The following BMPR1B variants were observed in gnomAD, a reference collection of about 807,000 sequenced individuals.
BMPR1B encodes bone morphogenetic protein receptor type 1B.
In BMPR1B, 12 loss-of-function variants were observed where a neutral mutation model predicts 59.1. The ratio of observed to expected loss-of-function variants is 0.20; its 90% CI spans 0.13 to 0.33. The LOEUF (loss-of-function observed/expected upper bound fraction) is 0.33, where lower values mean the gene tolerates loss of function less well. BMPR1B is among the 10% of genes least tolerant of loss of function. BMPR1B has a pLI of 1.00. For synonymous variants in BMPR1B, 237 were observed against 207.3 expected (o/e 1.14, Z -1.23); for missense variants, 550 against 610.9 (o/e 0.90, Z 1.05).
Position 94,794,100 on chromosome 4 carries a change from A to G in BMPR1B, c.-183+36032A>G, listed in dbSNP as rs996160342. Among the ~76,000 whole-genome samples the G allele has an allele frequency of 3.3e-3, 493 of 150,410 alleles. 5 individuals are homozygous for G. The highest frequency in any genetic ancestry group is 0.011 in the African/African-American group (440 of 40,546). Reference sequence around the variant, plus strand: ...AGACATGAAGTCCTTGCCCATGTCTATGTCCTGAATGGTAATGCCTAGGTT... The same window carrying G: ...AGACATGAAGTCCTTGCCCATGTCTGTGTCCTGAATGGTAATGCCTAGGTT... On this transcript the variant is annotated intron_variant, in intron 1 of 12. Coordinates refer to ENST00000515059, the MANE Select transcript of BMPR1B (RefSeq NM_001203.3).
At chr4:95,134,650 G>A (rs1733634129) in intron 10 of BMPR1B, among the ~76,000 whole-genome samples, 2 of 152,110 alleles carry the variant, frequency 1.3e-5, no homozygotes, top group African/African-American at 2.4e-5. Flanking sequence ...GTGTCTTTTG[G>A]CTGCATAAAT....
At chr4:94,840,136 T>C (rs1240451307) in intron 1 of BMPR1B, among the ~76,000 whole-genome samples, 1 of 149,160 alleles carries the variant, frequency 6.7e-6, no homozygotes, top group Non-Finnish European at 1.5e-5. Context: ...GATCAGGTGT[T>C]AGTCTGATGG....
intron 2 of BMPR1B, among the ~76,000 whole-genome samples, chr4:94,967,241 G>A (rs1278042281): frequency 6.6e-6 from 1 of 152,102 alleles, no homozygotes; most frequent in African/African-American, 2.4e-5. Flanking sequence ...AGTAGAAGTA[G>A]AAACACCTTT....
intron 1 of BMPR1B, among the ~76,000 whole-genome samples, chr4:94,768,159 C>G (rs1722037604): frequency 1.3e-5 from 2 of 151,998 alleles, no homozygotes. Flanking sequence ...ATTGCAGTCT[C>G]TTGATTTACA....
chr4:95,050,286 C>T (rs986218890), intron 3 of BMPR1B, among the ~76,000 whole-genome samples: 32 of 152,258 alleles, frequency 2.1e-4, no homozygotes, highest in Non-Finnish European at 2.4e-4. Context: ...CCACCAACCT[C>T]CATGTTTCTG....
chr4:94,925,121 C>T (rs371179744), intron 2 of BMPR1B, among the ~76,000 whole-genome samples: 1 of 152,060 alleles, frequency 6.6e-6, no homozygotes, highest in East Asian at 1.9e-4. Flanking sequence ...AGAAATTGGT[C>T]AATCTCCCTC....
At chr4:95,002,607 A>G (rs1353437232) in intron 3 of BMPR1B, among the ~76,000 whole-genome samples, 2 of 152,198 alleles carry the variant, frequency 1.3e-5, no homozygotes, top group Non-Finnish European at 2.9e-5. Context: ...TGTATAAGCA[A>G]TGAAAGAATT....
intron 1 of BMPR1B, among the ~76,000 whole-genome samples, chr4:94,843,066 C>CAT (rs754402618): frequency 6.6e-6 from 1 of 152,024 alleles, no homozygotes; most frequent in Non-Finnish European, 1.5e-5. Flanking sequence ...ATGTTTAAAA[C>CAT]ATATAATTGC....
chr4:95,133,425 C>T (rs1033152594), intron 10 of BMPR1B, among the ~76,000 whole-genome samples: 3 of 152,154 alleles, frequency 2.0e-5, no homozygotes, highest in Admixed American at 6.6e-5. Context: ...CACTTCTTAC[C>T]TTTGGCAAGA....
chr4:94,884,728 TA>T (rs1727107316), intron 2 of BMPR1B, among the ~76,000 whole-genome samples: 1 of 152,182 alleles, frequency 6.6e-6, no homozygotes, highest in Non-Finnish European at 1.5e-5. Context: ...TATGATTGAG[TA>T]AATGCAGCAA....
At chr4:94,765,494 G>T (rs1220072407) in intron 1 of BMPR1B, among the ~76,000 whole-genome samples, 42 of 152,096 alleles carry the variant, frequency 2.8e-4, no homozygotes, top group Non-Finnish European at 1.5e-4. Context: ...AGAAAAGTGG[G>T]CCAATAATCT....
chr4:94,923,766 C>T (rs1200578315), intron 2 of BMPR1B, among the ~76,000 whole-genome samples: 4 of 152,022 alleles, frequency 2.6e-5, no homozygotes, highest in Non-Finnish European at 5.9e-5. Flanking sequence ...CTTCTCTGCC[C>T]TGTTTGCCCC....
Position 94,864,979 on chromosome 4 carries a change from T to C in BMPR1B, c.-182-10852T>C, listed in dbSNP as rs549146723. Reference sequence around the variant, plus strand: ...TGATACACCTGAATGCAATGATATATAGATTTTTAATAATCTTCAAGTTTT... The same window carrying C: ...TGATACACCTGAATGCAATGATATACAGATTTTTAATAATCTTCAAGTTTT... On this transcript the variant is annotated intron_variant, in intron 1 of 12. Coordinates refer to ENST00000515059, the MANE Select transcript of BMPR1B (RefSeq NM_001203.3). Among the ~76,000 whole-genome samples, 4 of 152,282 alleles carry C rather than the reference T, an allele frequency of 2.6e-5. No homozygotes were observed. The South Asian group carries it at 8.3e-4, about 32-fold the overall frequency.
intron 9 of BMPR1B, 92 bp from the exon 10 acceptor site, chr4:95,131,123 A>T: frequency 7.4e-7 from 1 of 1,359,630 alleles, no homozygotes; most frequent in South Asian, 1.3e-5. Context: ...CTAAACAAAA[A>T]TTATCTATGA....
At chr4:94,983,536 T>C (rs1721226769) in intron 2 of BMPR1B, among the ~76,000 whole-genome samples, 1 of 152,194 alleles carries the variant, frequency 6.6e-6, no homozygotes, top group African/African-American at 2.4e-5. Flanking sequence ...GAAATGAATG[T>C]CAACAGGCAG....
At chr4:94,954,411 C>T (rs1730063800) in intron 2 of BMPR1B, among the ~76,000 whole-genome samples, 1 of 152,212 alleles carries the variant, frequency 6.6e-6, no homozygotes, top group African/African-American at 2.4e-5. Context: ...GATTATTAAA[C>T]TTTCTACCTA....
chr4:95,019,446 A>T (rs922444570), intron 3 of BMPR1B, among the ~76,000 whole-genome samples: 1 of 152,196 alleles, frequency 6.6e-6, no homozygotes, highest in African/African-American at 2.4e-5. Context: ...TATTGTTGGA[A>T]AGTAAAGTTA....
At chr4:94,929,435 G>T (rs1411158033) in intron 2 of BMPR1B, among the ~76,000 whole-genome samples, 1 of 152,010 alleles carries the variant, frequency 6.6e-6, no homozygotes, top group African/African-American at 2.4e-5. Flanking sequence ...CAAATGTCAT[G>T]AATTACTTCT....
chr4:95,012,586 T>G (rs973027450), intron 3 of BMPR1B, among the ~76,000 whole-genome samples: 3 of 152,194 alleles, frequency 2.0e-5, no homozygotes, highest in African/African-American at 7.2e-5. Flanking sequence ...CTATGCTGCT[T>G]CTTATTAATA....
Sources: allele counts gnomAD v4.1 joint callset (sites outside exome capture counted in the v4.1 genomes callset), GRCh38; gene constraint gnomAD v4.1.1; transcripts MANE v1.5; gene names NCBI Gene and HGNC (gene_info 2026-07-23, HGNC 2026-07-21).